The following SH2B1 variants were observed in gnomAD, a reference collection of about 807,000 sequenced individuals.
SH2B1 encodes SH2B adapter protein 1.
A neutral mutation model predicts 62.6 loss-of-function variants in SH2B1; 15 were observed. The ratio of observed to expected loss-of-function variants is 0.24; its 90% CI spans 0.16 to 0.37. The LOEUF (loss-of-function observed/expected upper bound fraction) is 0.37, where lower values mean the gene tolerates loss of function less well. SH2B1 is among the 10% of genes least tolerant of loss of function. The pLI is 1.00. For synonymous variants in SH2B1, 443 were observed against 438.0 expected, an observed-to-expected ratio of 1.01 and a Z score of -0.14; for missense variants, 925 against 1,015.6, an observed-to-expected ratio of 0.91 and a Z score of 1.21.
chr16:28,866,238 C>T lies in SH2B1; in HGVS notation c.144C>T (p.Tyr48=), dbSNP rs745508472. Residue 48 remains tyrosine (Y), a synonymous_variant, in exon 1 of 8, where the codon TAC becomes TAT. Coordinates refer to ENST00000684370, the MANE Select transcript of SH2B1 (RefSeq NM_001387430.1). This position sits in a 1 kb window ranked among gnomAD's most constrained non-coding sequence, Gnocchi z 6.3. ...ACTTTGCCCGCCGTTTTCGCCTCTA[C>T]CTGGCCTCCCACCCCCAATATGCGG... is the stretch of plus-strand genomic sequence containing the variant. ...ALDFARRFRL[Y]LASHPQYAGP... 1.2e-6 allele frequency: 2 copies of T among 1,610,852 alleles called. No homozygotes were observed. Among genetic ancestry groups the T allele is most frequent in the Admixed American group, 1.7e-5 (1 of 59,920 alleles).
chr16:28,852,331 CATATATATTTACATATATATTT>C (rs1962133084), intron 1 of SH2B1, among the ~76,000 whole-genome samples: 1 of 46,248 alleles, frequency 2.2e-5, no homozygotes, highest in Admixed American at 3.6e-4. Flanking sequence ...TATATATTTA[CATATATATTTACATATATATTT>C]ATATATATAT....
Position 28,873,159 on chromosome 16 carries a change from C to T in SH2B1, c.1898-288C>T. ...CCGTCCCATCTGTCCCCACGTTGCC[C>T]CTCCCCCCAGGCCGGGAGCAGGCTG... On this transcript the variant is annotated intron_variant, in intron 7 of 7. Coordinates refer to ENST00000684370, the MANE Select transcript of SH2B1 (RefSeq NM_001387430.1). The surrounding 1 kb of genome is among the most constrained non-coding windows in gnomAD (Gnocchi z 4.2). The T allele has an allele frequency of 1.3e-6, 2 of 1,548,988 alleles. No individual in the cohort carries two copies. The highest frequency in any genetic ancestry group is 1.4e-5 in the African/African-American group (1 of 73,536).
At position 28,864,654 on chromosome 16, in the gene SH2B1, A is replaced by G. The variant is rs529794999; in HGVS notation, c.-1441A>G. On this transcript the variant is annotated 5_prime_UTR_variant, in exon 1 of 8. Transcript: ENST00000684370. ...GGCTTTCCTGAGCTGCTCTGGCCCC[A>G]GTCCTGGGGCTGTCACCTTCCAGTA... The G allele has an allele frequency of 5.1e-6, 5 of 985,394 alleles. No homozygotes were observed. The African/African-American group carries it at 8.7e-5, about 17-fold the overall frequency. The allele number at this position is 985,394 out of a possible 1,614,324, so 61.0% of individuals were successfully genotyped here.
chr16:28,868,579 C>T (rs1962857144), intron 2 of SH2B1, among the ~76,000 whole-genome samples: 1 of 152,108 alleles, frequency 6.6e-6, no homozygotes, highest in Non-Finnish European at 1.5e-5. Context: ...CCTGTCTCAG[C>T]CTCTCGAGTA....
chr16:28,853,040 ATATATT>A (rs1276826899), intron 1 of SH2B1, among the ~76,000 whole-genome samples: 2 of 100,686 alleles, frequency 2.0e-5, no homozygotes, highest in East Asian at 3.3e-4. Flanking sequence ...ATATGTACAT[ATATATT>A]TATATATGTA....
intron 3 of SH2B1, 37 bp downstream of exon 3, chr16:28,869,134 G>A (rs773735197): frequency 1.3e-5 from 21 of 1,613,442 alleles, no homozygotes; most frequent in Admixed American, 1.0e-4. Flanking sequence ...GGGACATAGA[G>A]TGGGGTTGGG....
At chr16:28,852,451 CATATATATTTAT>C (rs1173903641) in intron 1 of SH2B1, among the ~76,000 whole-genome samples, 1 of 85,322 alleles carries the variant, frequency 1.2e-5, no homozygotes, top group Non-Finnish European at 2.1e-5. Flanking sequence ...TATATATTTA[CATATATATTTAT>C]ATATATACAT....
chr16:28,872,831 T>A lies in SH2B1; in HGVS notation c.1897+126T>A. 7.9e-7 allele frequency: 1 copy of A among 1,259,092 alleles called. No homozygotes were observed. The highest frequency in any genetic ancestry group is 1.1e-6 in the Non-Finnish European group (1 of 883,346). The allele number at this position is 1,259,092 out of a possible 1,614,324, so 78.0% of individuals were successfully genotyped here. A position where few individuals can be genotyped will look rare whatever the true frequency, so the allele number is the denominator to read the frequency against. ...AGAAGCTTTGCTTGGGAGAGCAGGG[T>A]AGAGGAGGCTGTTGTGCCTCGGGGT... On this transcript the variant is annotated intron_variant, in intron 7 of 7. Transcript: ENST00000684370. This position sits in a 1 kb window ranked among gnomAD's most constrained non-coding sequence, Gnocchi z 5.3.
chr16:28,852,303 CAT>C (rs1227187378), intron 1 of SH2B1, among the ~76,000 whole-genome samples: 80 of 52,958 alleles, frequency 1.5e-3, no homozygotes, highest in Admixed American at 2.3e-3. Context: ...TATATATTTA[CAT>C]ATATATATTT....
chr16:28,871,725 A>G (rs1963048728), intron 4 of SH2B1, 55 bp from the exon 5 acceptor site: 7 of 1,418,938 alleles, frequency 4.9e-6, no homozygotes, highest in Admixed American at 1.7e-5. Flanking sequence ...GGCCCAGGAC[A>G]GTCCTTTAGA....
At chr16:28,852,130 G>A (rs72793815) in intron 1 of SH2B1, among the ~76,000 whole-genome samples, 44,145 of 136,554 alleles carry the variant, frequency 0.32, 8,343 homozygotes, top group Admixed American at 0.39. Context: ...CTAATATGCA[G>A]GGAATAAACT....
chr16:28,859,777 A>C (rs190720379), upstream of SH2B1, among the ~76,000 whole-genome samples: 3 of 151,980 alleles, frequency 2.0e-5, no homozygotes, highest in East Asian at 5.8e-4. Context: ...AGAGACTGAG[A>C]CCAAGTTCAA....
In SH2B1 at chr16:28,866,971, C is replaced by A; in HGVS notation, c.877C>A (p.Leu293Met). The A allele has an allele frequency of 6.2e-7, 1 of 1,606,302 alleles. No individual in the cohort carries two copies. Among genetic ancestry groups the A allele is most frequent in the South Asian group, 1.1e-5 (1 of 91,082 alleles). The part of the protein sequence containing the change: ...GQPQWQKCRL[L>M]LRSEGEGGGG... ...GCCTCAGTGGCAGAAGTGTCGCCTGCTGCTTCGAAGTGAAGGAGAAGGAGG... is the reference window on the plus strand; with the variant it reads ...GCCTCAGTGGCAGAAGTGTCGCCTGATGCTTCGAAGTGAAGGAGAAGGAGG... The change falls in exon 1 of 8, where the codon CTG becomes ATG. Residue 293 changes from leucine (L) to methionine (M), a missense_variant. Physicochemically the swap from Leu to Met is conservative, Grantham distance 15. Transcript: ENST00000684370. This position sits in a 1 kb window ranked among gnomAD's most constrained non-coding sequence, Gnocchi z 6.3.
upstream of SH2B1, chr16:28,861,527 G>C (rs914712953): frequency 6.6e-6 from 1 of 151,936 alleles, no homozygotes; most frequent in Non-Finnish European, 1.5e-5. Flanking sequence ...CTGCCTCCCA[G>C]GTTCACGCCA....
intron 1 of SH2B1, among the ~76,000 whole-genome samples, chr16:28,852,305 TATATA>T (rs1962129440): frequency 3.1e-5 from 2 of 63,942 alleles, no homozygotes; most frequent in African/African-American, 1.3e-4. Context: ...TATATTTACA[TATATA>T]TATTTACATA....
chr16:28,865,367 C>T lies in SH2B1; in HGVS notation c.-728C>T. Reference sequence around the variant, plus strand: ...CTGTTTTGGTCCATCATGCATCCATCCTCATTAATGAATCGGCCCCCTCCA... The same window carrying T: ...CTGTTTTGGTCCATCATGCATCCATTCTCATTAATGAATCGGCCCCCTCCA... On this transcript the variant is annotated 5_prime_UTR_variant, in exon 1 of 8. Coordinates refer to ENST00000684370, the MANE Select transcript of SH2B1 (RefSeq NM_001387430.1). The T allele has an allele frequency of 1.0e-6, 1 of 985,712 alleles. No homozygotes were observed. Among genetic ancestry groups the T allele is most frequent in the Non-Finnish European group, 1.2e-6 (1 of 830,030 alleles). 61.1% of individuals were successfully genotyped at this position (985,712 alleles called of 1,614,324 possible). A position where few individuals can be genotyped will look rare whatever the true frequency, so the allele number is the denominator to read the frequency against.
chr16:28,858,042 GTTC>G (rs1962362522), intron 1 of SH2B1, among the ~76,000 whole-genome samples: 1 of 151,908 alleles, frequency 6.6e-6, no homozygotes, highest in South Asian at 2.1e-4. Flanking sequence ...CCCGGCCAGA[GTTC>G]TTATTAGTAC....
Position 28,872,980 on chromosome 16 carries a change from C to T in SH2B1, c.1897+275C>T, listed in dbSNP as rs903103003. ...TCCATCGGATCCTCTGTTCCATTGT[C>T]TGTCTGTCTCCTGGACCCATCCTGG... On this transcript the variant is annotated intron_variant, in intron 7 of 7. Coordinates refer to ENST00000684370, the MANE Select transcript of SH2B1 (RefSeq NM_001387430.1). The surrounding 1 kb of genome is among the most constrained non-coding windows in gnomAD (Gnocchi z 5.3). The T allele has an allele frequency of 6.9e-5, 44 of 636,286 alleles. No individual in the cohort carries two copies. Among genetic ancestry groups the T allele is most frequent in the Non-Finnish European group, 1.2e-4 (43 of 366,924 alleles). 39.4% of individuals were successfully genotyped at this position (636,286 alleles called of 1,614,324 possible). A position where few individuals can be genotyped will look rare whatever the true frequency, so the allele number is the denominator to read the frequency against.
upstream of SH2B1, among the ~76,000 whole-genome samples, chr16:28,861,298 A>C (rs1000185540): frequency 6.6e-6 from 1 of 152,132 alleles, no homozygotes; most frequent in East Asian, 1.9e-4. Flanking sequence ...ATGTCCAGCT[A>C]ATTTTTGTAT....
Sources: allele counts gnomAD v4.1 joint callset (sites outside exome capture counted in the v4.1 genomes callset), GRCh38; gene constraint gnomAD v4.1.1; non-coding constraint Gnocchi (gnomAD v3.1); transcripts MANE v1.5; gene names NCBI Gene and HGNC (gene_info 2026-07-23, HGNC 2026-07-21).